Variants in UVRAG observed in about 807,000 individuals in gnomAD.
The protein encoded by UVRAG is UV radiation resistance-associated gene protein.
In UVRAG, 19 loss-of-function variants were observed where a neutral mutation model predicts 78.0. The observed-to-expected ratio is 0.24, with a 90% CI of 0.17 to 0.36. UVRAG has a LOEUF of 0.36. Ranked by LOEUF, UVRAG falls within the 10% of genes least tolerant of loss-of-function variation. The pLI is 1.00. For synonymous variants in UVRAG, 323 were observed against 324.6 expected, an observed-to-expected ratio of 1.00 and a Z score of 0.05; for missense variants, 740 against 853.8, an observed-to-expected ratio of 0.87 and a Z score of 1.66.
intron 12 of UVRAG, among the ~76,000 whole-genome samples, chr11:76,039,789 C>T (rs377370800): frequency 6.6e-6 from 1 of 151,996 alleles, no homozygotes; most frequent in African/African-American, 2.4e-5. Context: ...GCAGGAGGAT[C>T]GCTTGAACCC....
Position 76,007,492 on chromosome 11 carries a change from G to A in UVRAG, c.912-42G>A, listed in dbSNP as rs149698377. 190 of 1,425,644 alleles carry A rather than the reference G, an allele frequency of 1.3e-4. No individual in the cohort carries two copies. The Admixed American group carries it at 3.2e-3, about 24-fold the overall frequency. The allele number at this position is 1,425,644 out of a possible 1,614,324, so 88.3% of individuals were successfully genotyped here. On this transcript the variant is annotated intron_variant, in intron 9 of 14. Coordinates refer to ENST00000356136, the MANE Select transcript of UVRAG (RefSeq NM_003369.4). Reference sequence around the variant, plus strand: ...GAAATAAATGTTACAAAGCATGCAAGCATATATTTTTTAATAAATGTATTT... The same window carrying A: ...GAAATAAATGTTACAAAGCATGCAAACATATATTTTTTAATAAATGTATTT...
At chr11:76,131,802 A>G (rs1488912532) in intron 14 of UVRAG, among the ~76,000 whole-genome samples, 1 of 152,200 alleles carries the variant, frequency 6.6e-6, no homozygotes, top group Non-Finnish European at 1.5e-5. Context: ...GCTTAAAACT[A>G]TTAACCCCCA....
intron 1 of UVRAG, among the ~76,000 whole-genome samples, chr11:75,844,945 T>C (rs960806355): frequency 6.6e-6 from 1 of 152,214 alleles, no homozygotes; most frequent in Non-Finnish European, 1.5e-5. Flanking sequence ...GGATTGCAGG[T>C]GTAAACCATC....
At chr11:75,837,235 G>T (rs1274215243) in intron 1 of UVRAG, among the ~76,000 whole-genome samples, 1 of 150,978 alleles carries the variant, frequency 6.6e-6, no homozygotes, top group Non-Finnish European at 1.5e-5. Flanking sequence ...GCTGAGGCAG[G>T]AGAATCGTGT....
chr11:75,864,544 T>C (rs138588853), intron 3 of UVRAG, among the ~76,000 whole-genome samples: 2 of 152,350 alleles, frequency 1.3e-5, no homozygotes, highest in Non-Finnish European at 2.9e-5. Flanking sequence ...AACAGCAGAA[T>C]TGGTTGGTTT....
At chr11:76,012,793 ATGTTTGTGTGTGTG>A in intron 11 of UVRAG, 1 of 128,112 alleles carries the variant, frequency 7.8e-6, no homozygotes, top group African/African-American at 3.2e-5. Flanking sequence ...TAAAAAAAAA[ATGTTTGTGTGTGTG>A]TGTGTGTGTG....
At chr11:76,136,471 A>G (rs756294091) in intron 14 of UVRAG, among the ~76,000 whole-genome samples, 2 of 151,624 alleles carry the variant, frequency 1.3e-5, no homozygotes, top group Non-Finnish European at 2.9e-5. Context: ...CATTCTGTAT[A>G]TACCAGAAAC....
intron 12 of UVRAG, among the ~76,000 whole-genome samples, chr11:76,022,123 C>T (rs1028811401): frequency 7.9e-5 from 12 of 151,330 alleles, no homozygotes; most frequent in African/African-American, 2.2e-4. Flanking sequence ...ATTGAGTTCT[C>T]GTTTTATTCC....
intron 4 of UVRAG, among the ~76,000 whole-genome samples, chr11:75,887,512 A>G (rs1361279874): frequency 1.7e-5 from 2 of 120,384 alleles, no homozygotes; most frequent in Non-Finnish European, 3.6e-5. Flanking sequence ...CAGTGGCACA[A>G]TCTCGGCTCT....
At chr11:76,137,448 AG>A (rs1263144626) in intron 14 of UVRAG, 1 of 456,322 alleles carries the variant, frequency 2.2e-6, no homozygotes. Flanking sequence ...AACTTTTTTA[AG>A]ATGGTAAGAA....
intron 13 of UVRAG, among the ~76,000 whole-genome samples, chr11:76,099,306 G>A (rs1201277967): frequency 6.6e-6 from 1 of 152,112 alleles, no homozygotes; most frequent in Non-Finnish European, 1.5e-5. Flanking sequence ...GGGATCATAG[G>A]AGCAAATTAT....
At position 76,003,257 on chromosome 11, in the gene UVRAG, A is replaced by ATTTTTTTTTTTTTTTTTTT. The variant is rs398045280; in HGVS notation, c.827-735_827-717dup. Among the ~76,000 whole-genome samples the ATTTTTTTTTTTTTTTTTTT allele has an allele frequency of 5.6e-5, 3 of 53,734 alleles. 1 individual carries two copies. Among genetic ancestry groups the ATTTTTTTTTTTTTTTTTTT allele is most frequent in the African/African-American group, 2.3e-4 (3 of 12,862 alleles). 35.3% of individuals were successfully genotyped at this position (53,734 alleles called of 152,430 possible). A position where few individuals can be genotyped will look rare whatever the true frequency, so the allele number is the denominator to read the frequency against. On this transcript the variant is annotated intron_variant, in intron 8 of 14. Coordinates refer to ENST00000356136, the MANE Select transcript of UVRAG (RefSeq NM_003369.4). ...CACTATGATTTTCACGAAAATACTGATTTTTTTTTTTTTTTTTTTTTTTTT... is the reference window on the plus strand; with the variant it reads ...CACTATGATTTTCACGAAAATACTGATTTTTTTTTTTTTTTTTTTTTTTTTTTTTTTTTTTTTTTTTTTT...
chr11:76,115,860 G>A, intron 13 of UVRAG, 64 bp from the exon 14 acceptor site: 1 of 1,451,252 alleles, frequency 6.9e-7, no homozygotes, highest in South Asian at 1.2e-5. Context: ...TTGTTTAGTG[G>A]TTCATTTTTC....
At chr11:76,020,649 C>CTTTTTTTTT (rs35112254) in intron 12 of UVRAG, among the ~76,000 whole-genome samples, 4 of 52,252 alleles carry the variant, frequency 7.7e-5, no homozygotes, top group African/African-American at 1.5e-4. Context: ...AAGAAGGAGT[C>CTTTTTTTTT]TTTTTTTTTT....
rs867114899 is a variant in UVRAG, at chr11:76,090,879, T to C, written c.1306-25045T>C. Among the ~76,000 whole-genome samples, 15 of 152,350 alleles carry C rather than the reference T, an allele frequency of 9.8e-5. No homozygotes were observed. The South Asian group carries it at 1.7e-3, about 17-fold the overall frequency. On this transcript the variant is annotated intron_variant, in intron 13 of 14. Coordinates refer to ENST00000356136, the MANE Select transcript of UVRAG (RefSeq NM_003369.4). ...GAAATCTCTCCTAGAACTTCTGATC[T>C]GCTGCAGTCTGTCATATTGTTTTCT... is the stretch of plus-strand genomic sequence containing the variant.
At chr11:75,945,300 C>G (rs1471570347) in intron 6 of UVRAG, among the ~76,000 whole-genome samples, 1 of 151,958 alleles carries the variant, frequency 6.6e-6, no homozygotes, top group Admixed American at 6.6e-5. Context: ...TACTGAAGGC[C>G]TCTATATACA....
chr11:75,889,567 C>T (rs529142878), intron 5 of UVRAG, among the ~76,000 whole-genome samples: 2 of 152,314 alleles, frequency 1.3e-5, no homozygotes, highest in South Asian at 4.1e-4. Flanking sequence ...TTTTTCTATT[C>T]TACTATGGTG....
At chr11:76,060,948 G>A (rs145251476) in intron 12 of UVRAG, among the ~76,000 whole-genome samples, 1,716 of 152,346 alleles carry the variant, frequency 0.011, 33 homozygotes, top group African/African-American at 0.039. Context: ...TGAGGAGTGC[G>A]GGCGCATGGC....
chr11:75,992,881 T>C (rs1347464075), intron 8 of UVRAG, among the ~76,000 whole-genome samples: 1 of 152,234 alleles, frequency 6.6e-6, no homozygotes, highest in Non-Finnish European at 1.5e-5. Context: ...CTCTTGCATT[T>C]GCAGCTTTGA....
Sources: gnomAD v4.1 joint callset for allele counts (sites outside exome capture counted in the v4.1 genomes callset) on GRCh38, gnomAD v4.1.1 for gene constraint, MANE v1.5 for transcripts, NCBI Gene and HGNC (gene_info 2026-07-23, HGNC 2026-07-21) for gene names.